DCPS: variants seen among roughly 807,000 people sequenced by gnomAD.
The protein encoded by DCPS is m7GpppX diphosphatase.
A neutral mutation model predicts 34.7 loss-of-function variants in DCPS; 27 were observed. That is an observed-to-expected ratio of 0.78 (90% CI 0.57 to 1.07). DCPS has a LOEUF of 1.07. DCPS is among the 50% of genes least tolerant of loss of function. The probability of loss-of-function intolerance (pLI) is 0.00; values close to 1 mark genes in which losing one functional copy is unlikely to be tolerated. For synonymous variants in DCPS, 185 were observed against 185.7 expected (o/e 1.00, Z 0.03); for missense variants, 464 against 436.9 (o/e 1.06, Z -0.55).
In DCPS at chr11:126,327,337, GT is replaced by G. The variant is rs1462809571; in HGVS notation, c.377-4063del. Among the ~76,000 whole-genome samples, 1 of 152,162 alleles carries G rather than the reference GT, an allele frequency of 6.6e-6. No homozygotes were observed. The highest frequency in any genetic ancestry group is 1.5e-5 in the Non-Finnish European group (1 of 68,030). ...CCTCATGACTGGACTCAGGTTATGCGTTTTTGGCCAGAATTCCACATGATCA... is the reference window on the plus strand; with the variant it reads ...CCTCATGACTGGACTCAGGTTATGCGTTTTGGCCAGAATTCCACATGATCA... On this transcript the variant is annotated intron_variant, in intron 2 of 5. Coordinates refer to ENST00000263579, the MANE Select transcript of DCPS (RefSeq NM_014026.6). The surrounding 1 kb of genome is among the most constrained non-coding windows in gnomAD (Gnocchi z 4.1).
intron 4 of DCPS, chr11:126,341,176 C>A (rs1206786508): frequency 6.6e-6 from 1 of 152,224 alleles, no homozygotes; most frequent in Non-Finnish European, 1.5e-5. Flanking sequence ...CTTTGAGTCA[C>A]CCCAGAGGTT....
intron 4 of DCPS, among the ~76,000 whole-genome samples, chr11:126,340,371 G>C (rs1011195007): frequency 6.6e-6 from 1 of 151,978 alleles, no homozygotes; most frequent in Non-Finnish European, 1.5e-5. Context: ...GCCCAGGCTG[G>C]AGTGTAGTGG....
rs201095573 is a variant in DCPS at position 126,306,583 on chromosome 11, C to CTGGGGATGGGGA, written c.219_230dup (p.Asp74_Gly77dup). 2.0e-5 allele frequency: 32 copies of CTGGGGATGGGGA among 1,608,524 alleles called. No homozygotes were observed. Among genetic ancestry groups the CTGGGGATGGGGA allele is most frequent in the Non-Finnish European group, 2.7e-5 (32 of 1,176,166 alleles). ...CTCTGCCCACAGGTGAATGAGGCCT[C>CTGGGGATGGGGA]TGGGGATGGGGATGGAGAGGATGCC... is the stretch of plus-strand genomic sequence containing the variant. On this transcript the variant is annotated inframe_insertion, in exon 2 of 6. Coordinates refer to ENST00000263579, the MANE Select transcript of DCPS (RefSeq NM_014026.6).
chr11:126,322,143 C>A lies in DCPS; in HGVS notation c.377-9262C>A, dbSNP rs1951711491. 6.6e-6 allele frequency among the ~76,000 whole-genome samples: 1 copy of A among 152,156 alleles called. No individual in the cohort carries two copies. The highest frequency in any genetic ancestry group is 1.5e-5 in the Non-Finnish European group (1 of 68,024). ...CCTAGCACAATGGATGAAGATAAAA[C>A]CACTTTGAGATCCAACCACACCATC... On this transcript the variant is annotated intron_variant, in intron 2 of 5. Transcript: ENST00000263579. The surrounding 1 kb of genome is among the most constrained non-coding windows in gnomAD (Gnocchi z 4.2).
chr11:126,335,444 CT>C lies in DCPS; in HGVS notation c.523-2833del, dbSNP rs959190911. ...GTGTGAATTTTGTTCTTTCATTCTC[CT>C]TTTTTTTTATCTGGGCCCCTGGCCT... On this transcript the variant is annotated intron_variant, in intron 3 of 5. Coordinates refer to ENST00000263579, the MANE Select transcript of DCPS (RefSeq NM_014026.6). This position sits in a 1 kb window ranked among gnomAD's most constrained non-coding sequence, Gnocchi z 4.8. Among the ~76,000 whole-genome samples, 9 of 151,644 alleles carry C rather than the reference CT, an allele frequency of 5.9e-5. No homozygotes were observed. The highest frequency in any genetic ancestry group is 1.5e-5 in the Non-Finnish European group (1 of 67,878).
chr11:126,312,883 GTTTCC>G lies in DCPS; in HGVS notation c.376+6144_376+6148del, dbSNP rs1304713391. ...AGTGACTGGCTCTGCCCATGGGTAG[GTTTCC>G]TTTCTTCTTCCTGTTGCTGTGTGGC... On this transcript the variant is annotated intron_variant, in intron 2 of 5. Transcript: ENST00000263579. This position sits in a 1 kb window ranked among gnomAD's most constrained non-coding sequence, Gnocchi z 5.1. Among the ~76,000 whole-genome samples the G allele has an allele frequency of 1.3e-5, 2 of 152,164 alleles. No homozygotes were observed. Among genetic ancestry groups the G allele is most frequent in the Admixed American group, 6.5e-5 (1 of 15,278 alleles).
intron 2 of DCPS, among the ~76,000 whole-genome samples, chr11:126,310,841 C>T (rs560942424): frequency 1.3e-5 from 2 of 152,236 alleles, no homozygotes; most frequent in African/African-American, 2.4e-5. Context: ...AGCCCTCTGT[C>T]CCCCTGCATG....
In DCPS at chr11:126,331,254, G is replaced by A. The variant is rs890224231; in HGVS notation, c.377-151G>A. 5 of 1,133,614 alleles carry A rather than the reference G, an allele frequency of 4.4e-6. No individual in the cohort carries two copies. Among genetic ancestry groups the A allele is most frequent in the Non-Finnish European group, 6.3e-6 (5 of 793,626 alleles). 70.2% of individuals were successfully genotyped at this position (1,133,614 alleles called of 1,614,324 possible). ...TGAATGCAGTGGCACAAGGCACTCT[G>A]TGGGAGTGGATCTTGGGTGCATGAT... On this transcript the variant is annotated intron_variant, in intron 2 of 5. Coordinates refer to ENST00000263579, the MANE Select transcript of DCPS (RefSeq NM_014026.6). The surrounding 1 kb of genome is among the most constrained non-coding windows in gnomAD (Gnocchi z 7.2).
chr11:126,314,761 G>A (rs770893464), intron 2 of DCPS, among the ~76,000 whole-genome samples: 1 of 152,102 alleles, frequency 6.6e-6, no homozygotes, highest in Non-Finnish European at 1.5e-5. Flanking sequence ...AACATTGTAT[G>A]TTCTCACTCA....
At chr11:126,307,471 C>T (rs988009950) in intron 2 of DCPS, among the ~76,000 whole-genome samples, 12 of 151,876 alleles carry the variant, frequency 7.9e-5, no homozygotes, top group African/African-American at 1.7e-4. Flanking sequence ...AGTGCAGTGG[C>T]GCGATCTCGG....
Position 126,335,166 on chromosome 11 carries a change from G to A in DCPS, c.523-3120G>A, listed in dbSNP as rs1951823133. Among the ~76,000 whole-genome samples the A allele has an allele frequency of 6.6e-6, 1 of 152,264 alleles. No homozygotes were observed. Among genetic ancestry groups the A allele is most frequent in the African/African-American group, 2.4e-5 (1 of 41,482 alleles). On this transcript the variant is annotated intron_variant, in intron 3 of 5. Coordinates refer to ENST00000263579, the MANE Select transcript of DCPS (RefSeq NM_014026.6). This position sits in a 1 kb window ranked among gnomAD's most constrained non-coding sequence, Gnocchi z 4.8. The stretch of plus-strand genomic sequence containing the variant: ...TGGCCAGGCCACACATGGCTGGAGG[G>A]GAAGTGCAAGGCAGCAGGCAGAAGC...
In DCPS at chr11:126,335,014, A is replaced by G. The variant is rs1326966601; in HGVS notation, c.523-3272A>G. On this transcript the variant is annotated intron_variant, in intron 3 of 5. Coordinates refer to ENST00000263579, the MANE Select transcript of DCPS (RefSeq NM_014026.6). This position sits in a 1 kb window ranked among gnomAD's most constrained non-coding sequence, Gnocchi z 4.8. ...TTGTGGAAATTGAGAGAGGTGCCAT[A>G]TATCATGTGCCTGCTATTGTTTCCA... Among the ~76,000 whole-genome samples the G allele has an allele frequency of 6.6e-6, 1 of 152,208 alleles. No homozygotes were observed. Among genetic ancestry groups the G allele is most frequent in the Non-Finnish European group, 1.5e-5 (1 of 68,040 alleles).
In DCPS at chr11:126,345,477, A is replaced by G; in HGVS notation, c.878A>G (p.Glu293Gly). 6.2e-7 allele frequency: 1 copy of G among 1,614,142 alleles called. No individual in the cohort carries two copies. The change falls in exon 6 of 6, where the codon GAG (glutamate) becomes GGG (glycine). Residue 293 changes from glutamate to glycine, a missense_variant. Glu to Gly is a moderately conservative substitution (Grantham distance 98, BLOSUM62 -2). Coordinates refer to ENST00000263579, the MANE Select transcript of DCPS (RefSeq NM_014026.6). The surrounding 1 kb of genome is among the most constrained non-coding windows in gnomAD (Gnocchi z 7.4). ...TTCGAGGCCCCCGGCTCAGGCGTGG[A>G]GCGGGCCCACCTGCTGGCTGAGGTG... Reference protein sequence around the residue: ...LGFEAPGSGVERAHLLAEVIE... With the variant: ...LGFEAPGSGVGRAHLLAEVIE...
intron 2 of DCPS, among the ~76,000 whole-genome samples, chr11:126,310,205 A>G (rs1951609188): frequency 6.6e-6 from 1 of 152,204 alleles, no homozygotes; most frequent in South Asian, 2.1e-4. Context: ...TTAAAAAAAC[A>G]CCATCTGTAT....
chr11:126,340,014 T>A (rs1409047825), intron 4 of DCPS, among the ~76,000 whole-genome samples: 1 of 152,180 alleles, frequency 6.6e-6, no homozygotes, highest in Non-Finnish European at 1.5e-5. Context: ...ATCGCAGTCT[T>A]AAGGTCATGG....
rs1304226197 is a variant in DCPS, at chr11:126,320,994, TCCTGTACTCC to T, written c.377-10409_377-10400del. On this transcript the variant is annotated intron_variant, in intron 2 of 5. Coordinates refer to ENST00000263579, the MANE Select transcript of DCPS (RefSeq NM_014026.6). This position sits in a 1 kb window ranked among gnomAD's most constrained non-coding sequence, Gnocchi z 4.7. ...CAGGTAGCCAGGGAAGGTGGCTCAC[TCCTGTACTCC>T]CAGCACTTTGGGAGGCTGAGGTGGG... Among the ~76,000 whole-genome samples, 2 of 151,786 alleles carry T rather than the reference TCCTGTACTCC, an allele frequency of 1.3e-5. No homozygotes were observed. Among genetic ancestry groups the T allele is most frequent in the South Asian group, 2.1e-4 (1 of 4,806 alleles).
In DCPS at chr11:126,305,413, C is replaced by CTTTT. The variant is rs1165260410; in HGVS notation, c.202-1136_202-1133dup. On this transcript the variant is annotated intron_variant, in intron 1 of 5. Coordinates refer to ENST00000263579, the MANE Select transcript of DCPS (RefSeq NM_014026.6). ...TACAGGCGTGAGCCACCGCACCCGC[C>CTTTT]TTTTTTTTTTTTTTTTTTTTTTTTG... Among the ~76,000 whole-genome samples the CTTTT allele has an allele frequency of 8.5e-4, 58 of 68,314 alleles. 2 individuals are homozygous for CTTTT. The highest frequency in any genetic ancestry group is 1.1e-3 in the Non-Finnish European group (39 of 36,116). The allele number at this position is 68,314 out of a possible 152,430, so 44.8% of individuals were successfully genotyped here.
At position 126,347,032 on chromosome 11, in the gene DCPS, G is replaced by A. The variant is rs116960624; in HGVS notation, c.*1419G>A. On this transcript the variant is annotated 3_prime_UTR_variant, in exon 6 of 6. Coordinates refer to ENST00000263579, the MANE Select transcript of DCPS (RefSeq NM_014026.6). This position sits in a 1 kb window ranked among gnomAD's most constrained non-coding sequence, Gnocchi z 4.2. Reference sequence around the variant, plus strand: ...TTGAACCCGGGAGGCGGAGGTTGCCGTGAGCCACCGCACTTTGGCCTGGGT... The same window carrying A: ...TTGAACCCGGGAGGCGGAGGTTGCCATGAGCCACCGCACTTTGGCCTGGGT... 8.5e-3 allele frequency among the ~76,000 whole-genome samples: 1,298 copies of A among 151,936 alleles called. 7 individuals are homozygous for A. The highest frequency in any genetic ancestry group is 0.014 in the Non-Finnish European group (940 of 67,972).
At chr11:126,307,673 C>CCAAATCCCAAAG (rs1387688208) in intron 2 of DCPS, among the ~76,000 whole-genome samples, 1 of 152,082 alleles carries the variant, frequency 6.6e-6, no homozygotes, top group Non-Finnish European at 1.5e-5. Context: ...TCCCAAAGTG[C>CCAAATCCCAAAG]TGGGATTACA....
Sources: allele counts gnomAD v4.1 joint callset (sites outside exome capture counted in the v4.1 genomes callset), GRCh38; gene constraint gnomAD v4.1.1; non-coding constraint Gnocchi (gnomAD v3.1); transcripts MANE v1.5; gene names NCBI Gene and HGNC (gene_info 2026-07-23, HGNC 2026-07-21).